PFDN1: variants seen among roughly 807,000 people sequenced by gnomAD.
PFDN1 encodes prefoldin subunit 1.
A neutral mutation model predicts 17.3 loss-of-function variants in PFDN1; 6 were observed. That is an observed-to-expected ratio of 0.35 (90% CI 0.19 to 0.69). The LOEUF is 0.69. Ranked by LOEUF, PFDN1 falls within the 30% of genes least tolerant of loss-of-function variation. PFDN1 has a pLI of 0.65. For missense variants in PFDN1, 113 were observed against 146.2 expected (o/e 0.77, Z 1.17); for synonymous variants, 58 against 50.1 (o/e 1.16, Z -0.67).
chr5:140,267,340 T>C (rs1240064290), intron 3 of PFDN1, among the ~76,000 whole-genome samples: 1 of 152,220 alleles, frequency 6.6e-6, no homozygotes, highest in Non-Finnish European at 1.5e-5. Flanking sequence ...AAAAGCTAAA[T>C]GCACATTTCC....
chr5:140,296,179 A>C (rs990389957), intron 2 of PFDN1, among the ~76,000 whole-genome samples: 5 of 152,224 alleles, frequency 3.3e-5, no homozygotes, highest in African/African-American at 1.2e-4. Flanking sequence ...CATGGATCAT[A>C]TATTAAAATA....
At chr5:140,280,553 C>T (rs1196510901) in intron 3 of PFDN1, among the ~76,000 whole-genome samples, 1 of 152,180 alleles carries the variant, frequency 6.6e-6, no homozygotes, top group Non-Finnish European at 1.5e-5. Flanking sequence ...ATACTGCATA[C>T]TCCCAGGCCA....
chr5:140,292,532 A>T (rs1268282879), intron 2 of PFDN1, among the ~76,000 whole-genome samples: 1 of 152,164 alleles, frequency 6.6e-6, no homozygotes, highest in African/African-American at 2.4e-5. Context: ...TTGCTGTACC[A>T]ATTTTGGTAT....
chr5:140,299,129 T>C (rs774607541), intron 2 of PFDN1, among the ~76,000 whole-genome samples: 13 of 152,224 alleles, frequency 8.5e-5, no homozygotes, highest in Non-Finnish European at 1.3e-4. Flanking sequence ...AGATTTATGA[T>C]TTGTATCACT....
At chr5:140,285,863 G>A (rs13354181) in intron 2 of PFDN1, among the ~76,000 whole-genome samples, 4,257 of 152,076 alleles carry the variant, frequency 0.028, 202 homozygotes, top group African/African-American at 0.097. Flanking sequence ...GGGCAGCCAG[G>A]CATAATGGCA....
intron 3 of PFDN1, among the ~76,000 whole-genome samples, chr5:140,248,294 C>G (rs2126677216): frequency 6.6e-6 from 1 of 152,196 alleles, no homozygotes; most frequent in African/African-American, 2.4e-5. Flanking sequence ...GTCTCAAACT[C>G]CTGACCTCGT....
Position 140,245,989 on chromosome 5 carries a change from T to A in PFDN1, c.354A>T (p.Ala118=), listed in dbSNP as rs1433061267. The A allele has an allele frequency of 9.0e-6, 14 of 1,557,344 alleles. No homozygotes were observed. ...AEDNIREMLM[A]RRAQ ...GAGAGGCTCCCTACTGGGCCCTTCG[T>A]GCCATCAGCATCTCCCGGATGTTGT... Residue 118 remains alanine (A), a synonymous_variant, in exon 4 of 4, where the codon GCA becomes GCT. Transcript: ENST00000261813.
chr5:140,266,713 AT>A (rs1369496780), intron 3 of PFDN1, among the ~76,000 whole-genome samples: 2 of 152,284 alleles, frequency 1.3e-5, no homozygotes, highest in African/African-American at 2.4e-5. Flanking sequence ...ACACCTAAAA[AT>A]TTGCTCCTAG....
intron 3 of PFDN1, among the ~76,000 whole-genome samples, chr5:140,266,656 T>C (rs1488010407): frequency 6.6e-6 from 1 of 152,130 alleles, no homozygotes; most frequent in African/African-American, 2.4e-5. Flanking sequence ...AATACAAAAA[T>C]CAATAAGCCC....
In PFDN1 at chr5:140,250,931, T is replaced by C. The variant is rs564022322; in HGVS notation, c.286-4874A>G. Among the ~76,000 whole-genome samples, 16 of 152,302 alleles carry C rather than the reference T, an allele frequency of 1.1e-4. No individual in the cohort carries two copies. In the South Asian group the frequency reaches 3.3e-3, roughly 32 times the overall value. ...CTAGCTTGATTTAATTATTCTACAT[T>C]ATATTCTTTTTATTTTTTTTTGAAA... On this transcript the variant is annotated intron_variant, in intron 3 of 3. Transcript: ENST00000261813.
chr5:140,246,067 G>T lies in PFDN1; in HGVS notation c.286-10C>A. ...GGTAGGACTTTTTCTGCTGCAATAT[G>T]AGAGACAGACAAAGGTTAGGACCAG... On this transcript the variant is annotated splice_polypyrimidine_tract_variant and intron_variant, in intron 3 of 3. Coordinates refer to ENST00000261813, the MANE Select transcript of PFDN1 (RefSeq NM_002622.5). 6.6e-7 allele frequency: 1 copy of T among 1,520,834 alleles called. No individual in the cohort carries two copies. 94.2% of individuals were successfully genotyped at this position (1,520,834 alleles called of 1,614,324 possible).
At position 140,259,152 on chromosome 5, in the gene PFDN1, G is replaced by C. The variant is rs73257064; in HGVS notation, c.286-13095C>G. On this transcript the variant is annotated intron_variant, in intron 3 of 3. Transcript: ENST00000261813. ...AAATAGGAAGAGTGACAACACGTCAGAAATGGTTGGGGGCTAGAAAGGGGA... is the reference window on the plus strand; with the variant it reads ...AAATAGGAAGAGTGACAACACGTCACAAATGGTTGGGGGCTAGAAAGGGGA... 8.8e-3 allele frequency among the ~76,000 whole-genome samples: 1,335 copies of C among 152,290 alleles called. 17 individuals are homozygous for C. Among genetic ancestry groups the C allele is most frequent in the African/African-American group, 0.03 (1,260 of 41,552 alleles).
rs58605224 is a variant in PFDN1, at chr5:140,264,020, C to CAAAAAAAAAAAAAAA, written c.285+17414_285+17428dup. On this transcript the variant is annotated intron_variant, in intron 3 of 3. Transcript: ENST00000261813. ...TGGGGGTCAGAGTGAGACTCCATCT[C>CAAAAAAAAAAAAAAA]AAAAAAAAAAAAAAAAAAAAAAAAA... is the stretch of plus-strand genomic sequence containing the variant. 5.4e-4 allele frequency among the ~76,000 whole-genome samples: 30 copies of CAAAAAAAAAAAAAAA among 55,574 alleles called. 3 individuals are homozygous for CAAAAAAAAAAAAAAA. The highest frequency in any genetic ancestry group is 7.3e-4 in the Non-Finnish European group (22 of 30,044). The allele number at this position is 55,574 out of a possible 152,430, so 36.5% of individuals were successfully genotyped here.
At chr5:140,246,595 A>T (rs1764833285) in intron 3 of PFDN1, among the ~76,000 whole-genome samples, 2 of 152,168 alleles carry the variant, frequency 1.3e-5, no homozygotes, top group African/African-American at 4.8e-5. Context: ...CTGCTTTTCT[A>T]ATGAGACTGC....
chr5:140,285,132 C>A (rs6580499), intron 2 of PFDN1, among the ~76,000 whole-genome samples: 37,309 of 152,008 alleles, frequency 0.25, 4,941 homozygotes, highest in South Asian at 0.46. Flanking sequence ...ATGCTTATGA[C>A]GAGTTCACTT....
intron 3 of PFDN1, among the ~76,000 whole-genome samples, chr5:140,271,208 C>G (rs1267388219): frequency 6.6e-6 from 1 of 152,132 alleles, no homozygotes; most frequent in Non-Finnish European, 1.5e-5. Context: ...CCTAAGACAT[C>G]AGGACATAGA....
chr5:140,257,223 C>CA (rs201028967), intron 3 of PFDN1, among the ~76,000 whole-genome samples: 836 of 74,888 alleles, frequency 0.011, 3 homozygotes, highest in East Asian at 0.024. Context: ...AACTCCATCT[C>CA]AAAAAAAAAA....
chr5:140,261,580 C>T (rs983238247), intron 3 of PFDN1, among the ~76,000 whole-genome samples: 2 of 152,188 alleles, frequency 1.3e-5, no homozygotes, highest in Non-Finnish European at 2.9e-5. Context: ...AGCTACATGA[C>T]TCATAGGCAC....
At chr5:140,271,913 T>C (rs2126686489) in intron 3 of PFDN1, among the ~76,000 whole-genome samples, 2 of 149,840 alleles carry the variant, frequency 1.3e-5, no homozygotes, top group African/African-American at 4.9e-5. Context: ...AAATTATATA[T>C]ATACACACAC....
Sources: allele counts gnomAD v4.1 joint callset (sites outside exome capture counted in the v4.1 genomes callset), GRCh38; gene constraint gnomAD v4.1.1; transcripts MANE v1.5; gene names NCBI Gene and HGNC (gene_info 2026-07-23, HGNC 2026-07-21).